Variants in PCDHAC2 observed in about 807,000 individuals in gnomAD.
The protein encoded by PCDHAC2 is protocadherin alpha subfamily C, 2.
In PCDHAC2, 24 loss-of-function variants were observed where a neutral mutation model predicts 63.3. The ratio of observed to expected loss-of-function variants is 0.38; its 90% CI spans 0.27 to 0.53. The LOEUF (loss-of-function observed/expected upper bound fraction) is 0.53. PCDHAC2 is among the 20% of genes least tolerant of loss of function. PCDHAC2 has a pLI of 0.81. For missense variants in PCDHAC2, 1,181 were observed against 1,275.2 expected, an observed-to-expected ratio of 0.93 and a Z score of 1.12; for synonymous variants, 569 against 529.4, an observed-to-expected ratio of 1.07 and a Z score of -1.03.
At position 140,969,251 on chromosome 5, in the gene PCDHAC2, A is replaced by G; in HGVS notation, c.2485A>G (p.Ser829Gly). 6.2e-7 allele frequency: 1 copy of G among 1,614,262 alleles called. No homozygotes were observed. Among genetic ancestry groups the G allele is most frequent in the South Asian group, 1.1e-5 (1 of 91,088 alleles). ...GGGAGCCCAAGCAGCAGTGACTGAC[A>G]GCAGGAATCTCACAGGCCAAAGTGG... The part of the protein sequence containing the change: ...PSGAQAAVTD[S>G]RNLTGQSGQN... Residue 829 changes from serine to glycine, a missense_variant, in exon 1 of 4, where the codon AGC becomes GGC. This residue lies in a region of PCDHAC2 where 968 missense variants were observed against 1,073.5 expected (regional missense o/e 0.90). Coordinates refer to ENST00000289269, the MANE Select transcript of PCDHAC2 (RefSeq NM_018899.6).
At chr5:140,986,371 G>C (rs1453761888) in intron 3 of PCDHAC2, among the ~76,000 whole-genome samples, 1 of 152,116 alleles carries the variant, frequency 6.6e-6, no homozygotes, top group Non-Finnish European at 1.5e-5. Flanking sequence ...AATGCGTTTT[G>C]GGGGGAGGGA....
At chr5:141,003,515 G>T (rs1402480495) in intron 3 of PCDHAC2, among the ~76,000 whole-genome samples, 1 of 152,114 alleles carries the variant, frequency 6.6e-6, no homozygotes, top group African/African-American at 2.4e-5. Context: ...GTTTCACCAT[G>T]TTCCCTAGGC....
intron 1 of PCDHAC2, among the ~76,000 whole-genome samples, chr5:140,971,471 G>A (rs1274091500): frequency 1.3e-5 from 2 of 152,172 alleles, no homozygotes; most frequent in African/African-American, 4.8e-5. Context: ...TATAGGGAGA[G>A]AGTGTCACAT....
At position 140,967,767 on chromosome 5, in the gene PCDHAC2, A is replaced by G. The variant is rs782195052; in HGVS notation, c.1001A>G (p.Tyr334Cys). ...GAGGAAGCCTCCTCCTACCAGATCT[A>G]TGTGCAGGCGACTGACCGGGGTCCA... is the stretch of plus-strand genomic sequence containing the variant. ...DYEEASSYQI[Y>C]VQATDRGPVP... The change falls in exon 1 of 4, where the codon TAT (tyrosine) becomes TGT (cysteine). Residue 334 changes from tyrosine (Y) to cysteine (C), a missense_variant. Coordinates refer to ENST00000289269, the MANE Select transcript of PCDHAC2 (RefSeq NM_018899.6). 1.2e-6 allele frequency: 2 copies of G among 1,614,216 alleles called. No individual in the cohort carries two copies. The highest frequency in any genetic ancestry group is 2.2e-5 in the East Asian group (1 of 44,884).
At chr5:140,982,628 G>A (rs2096992254) in intron 3 of PCDHAC2, 65 bp downstream of exon 3, 1 of 1,578,000 alleles carries the variant, frequency 6.3e-7, no homozygotes, top group African/African-American at 1.4e-5. Flanking sequence ...ACCTACTTTT[G>A]TAAGATCAGG....
intron 3 of PCDHAC2, among the ~76,000 whole-genome samples, chr5:140,997,458 G>A (rs1167865060): frequency 5.3e-5 from 8 of 152,070 alleles, no homozygotes; most frequent in African/African-American, 1.7e-4. Flanking sequence ...ACTGAATACT[G>A]TAGGCAATTT....
intron 3 of PCDHAC2, among the ~76,000 whole-genome samples, chr5:141,006,730 C>A (rs1222445312): frequency 1.3e-5 from 2 of 151,754 alleles, no homozygotes; most frequent in African/African-American, 4.8e-5. Context: ...AATGACAGGT[C>A]TTGATGATGT....
chr5:141,001,946 G>A (rs1554258360), intron 3 of PCDHAC2, among the ~76,000 whole-genome samples: 4 of 147,266 alleles, frequency 2.7e-5, no homozygotes, highest in African/African-American at 1.1e-4. Flanking sequence ...CGGAAATAAG[G>A]AGGAGGGAGA....
chr5:141,006,361 A>G (rs1384420854), intron 3 of PCDHAC2, among the ~76,000 whole-genome samples: 3 of 151,846 alleles, frequency 2.0e-5, no homozygotes, highest in African/African-American at 7.3e-5. Context: ...ATAGGCGCCC[A>G]CCACCACGCC....
chr5:140,968,379 A>C lies in PCDHAC2; in HGVS notation c.1613A>C (p.Asp538Ala). 6.2e-7 allele frequency: 1 copy of C among 1,614,034 alleles called. No individual in the cohort carries two copies. The highest frequency in any genetic ancestry group is 8.5e-7 in the Non-Finnish European group (1 of 1,180,014). Reference sequence around the variant, plus strand: ...AGCCTTTATGCTGTCAACTCCTTTGACTATGAGAAGTTTCGGGAGTTCTTT... The same window carrying C: ...AGCCTTTATGCTGTCAACTCCTTTGCCTATGAGAAGTTTCGGGAGTTCTTT... ...SGSLYAVNSF[D>A]YEKFREFFVT... The change falls in exon 1 of 4, where the codon GAC (aspartate) becomes GCC (alanine). Residue 538 changes from aspartate (D) to alanine (A), a missense_variant. By Grantham distance (126) the Asp-to-Ala change is moderately radical (BLOSUM62 -2). Coordinates refer to ENST00000289269, the MANE Select transcript of PCDHAC2 (RefSeq NM_018899.6).
chr5:141,001,670 C>T (rs1554258276), intron 3 of PCDHAC2, among the ~76,000 whole-genome samples: 1 of 151,900 alleles, frequency 6.6e-6, no homozygotes, highest in African/African-American at 2.4e-5. Flanking sequence ...CTTGTCCAGT[C>T]GGTCCAACAA....
In PCDHAC2 at chr5:140,993,233, G is replaced by A. The variant is rs143093605; in HGVS notation, c.2713+10670G>A. ...TTTAGCTTTTTGGTATGTTCTCTCT[G>A]AATCTGGGGATTTAGATATATAAAT... On this transcript the variant is annotated intron_variant, in intron 3 of 3. Coordinates refer to ENST00000289269, the MANE Select transcript of PCDHAC2 (RefSeq NM_018899.6). Among the ~76,000 whole-genome samples the A allele has an allele frequency of 2.0e-5, 3 of 152,224 alleles. No individual in the cohort carries two copies. The East Asian group carries it at 5.8e-4, about 29-fold the overall frequency.
chr5:141,000,782 C>T (rs149032263), intron 3 of PCDHAC2, among the ~76,000 whole-genome samples: 174 of 152,002 alleles, frequency 1.1e-3, no homozygotes, highest in African/African-American at 3.9e-3. Flanking sequence ...TGGCGCACAC[C>T]TGTATTCCTA....
At chr5:140,993,509 CGG>C (rs2097568014) in intron 3 of PCDHAC2, among the ~76,000 whole-genome samples, 2 of 143,600 alleles carry the variant, frequency 1.4e-5, no homozygotes, top group South Asian at 4.6e-4. Context: ...CACACACACA[CGG>C]GGAGAGAGAG....
intron 3 of PCDHAC2, among the ~76,000 whole-genome samples, chr5:140,998,111 T>A (rs1224150326): frequency 1.3e-5 from 2 of 152,108 alleles, no homozygotes; most frequent in African/African-American, 4.8e-5. Flanking sequence ...GAGGAGAAAA[T>A]TTACTTGTGA....
In PCDHAC2 at chr5:140,967,285, G is replaced by C. The variant is rs150694611; in HGVS notation, c.519G>C (p.Gln173His). 6,229 of 1,613,054 alleles carry C rather than the reference G, an allele frequency of 3.9e-3. 11 individuals carry two copies. The highest frequency in any genetic ancestry group is 5.0e-3 in the Non-Finnish European group (5,885 of 1,179,544). The change falls in exon 1 of 4, where the codon CAG becomes CAC. Residue 173 changes from glutamine to histidine, a missense_variant. Gln to His is a conservative substitution (Grantham distance 24, BLOSUM62 0). Coordinates refer to ENST00000289269, the MANE Select transcript of PCDHAC2 (RefSeq NM_018899.6). ...PGARFHIESA[Q>H]DPDVGANSVQ... Reference sequence around the variant, plus strand: ...CGCGCTTTCACATAGAGAGTGCGCAGGACCCCGACGTGGGCGCCAACTCAG... The same window carrying C: ...CGCGCTTTCACATAGAGAGTGCGCACGACCCCGACGTGGGCGCCAACTCAG...
intron 1 of PCDHAC2, among the ~76,000 whole-genome samples, chr5:140,973,634 C>T (rs2096596343): frequency 6.6e-6 from 1 of 152,220 alleles, no homozygotes; most frequent in African/African-American, 2.4e-5. Flanking sequence ...ATCTTGTACA[C>T]ATTCTGACTG....
Position 140,967,197 on chromosome 5 carries a change from AC to A in PCDHAC2, c.432del (p.Ser145HisfsTer13). Reference protein sequence around the residue: ...VEVEILDINDNSPRFPRPNYQ... With the variant: ...VEVEILDINDXSPRFPRPNYQ... The stretch of plus-strand genomic sequence containing the variant: ...GTGGAAATATTGGACATCAACGACA[AC>A]TCACCGCGTTTCCCGCGGCCCAACT... On this transcript the variant is annotated frameshift_variant, in exon 1 of 4. Coordinates refer to ENST00000289269, the MANE Select transcript of PCDHAC2 (RefSeq NM_018899.6). LOFTEE classifies it high-confidence loss of function. 6.2e-7 allele frequency: 1 copy of A among 1,613,542 alleles called. No individual in the cohort carries two copies. Among genetic ancestry groups the A allele is most frequent in the Non-Finnish European group, 8.5e-7 (1 of 1,179,782 alleles).
In PCDHAC2 at chr5:140,966,679, G is replaced by T; in HGVS notation, c.-88G>T. On this transcript the variant is annotated 5_prime_UTR_variant, in exon 1 of 4. Transcript: ENST00000289269. Reference sequence around the variant, plus strand: ...TGGGGGAGCAGGCGCAGGGTGGCACGAGCGGAGGCGGGGCCCGGGCGTGGG... The same window carrying T: ...TGGGGGAGCAGGCGCAGGGTGGCACTAGCGGAGGCGGGGCCCGGGCGTGGG... The T allele has an allele frequency of 1.5e-6, 2 of 1,317,678 alleles. No homozygotes were observed. The highest frequency in any genetic ancestry group is 3.8e-5 in the Admixed American group (1 of 26,438). The allele number at this position is 1,317,678 out of a possible 1,614,324, so 81.6% of individuals were successfully genotyped here.
Sources: allele counts gnomAD v4.1 joint callset (sites outside exome capture counted in the v4.1 genomes callset), GRCh38; gene constraint gnomAD v4.1.1; regional missense constraint gnomAD v4.1.1; transcripts MANE v1.5; gene names NCBI Gene and HGNC (gene_info 2026-07-23, HGNC 2026-07-21).